Variants in LUZP2 observed in about 807,000 individuals in gnomAD.
LUZP2 encodes the protein leucine zipper protein 2.
LUZP2 carries 52 observed loss-of-function variants against 51.6 expected under a neutral mutation model. The ratio of observed to expected loss-of-function variants is 1.01; its 90% confidence interval spans 0.81 to 1.27. The LOEUF is 1.27. LUZP2 is among the 50% of genes most tolerant of loss of function. The probability of loss-of-function intolerance (pLI) is 0.00; values close to 1 mark genes in which losing one functional copy is unlikely to be tolerated. For missense variants in LUZP2, 436 were observed against 395.4 expected, an observed-to-expected ratio of 1.10 and a Z score of -0.87; for synonymous variants, 154 against 137.3, an observed-to-expected ratio of 1.12 and a Z score of -0.85.
At chr11:24,534,962 G>A (rs1233706597) in intron 1 of LUZP2, among the ~76,000 whole-genome samples, 4 of 151,248 alleles carry the variant, frequency 2.6e-5, no homozygotes, top group Non-Finnish European at 5.9e-5. Context: ...GAGATATTGT[G>A]GGTTGGGCTC....
intron 1 of LUZP2, among the ~76,000 whole-genome samples, chr11:24,658,250 C>G (rs1213567029): frequency 1.2e-4 from 19 of 152,064 alleles, no homozygotes; most frequent in African/African-American, 3.4e-4. Flanking sequence ...GAACAGAACA[C>G]AGCCCTCAGA....
chr11:24,507,841 T>G (rs953870759), intron 1 of LUZP2, among the ~76,000 whole-genome samples: 2 of 152,038 alleles, frequency 1.3e-5, no homozygotes, highest in African/African-American at 4.8e-5. Context: ...TGGTTTTGCA[T>G]GATGTTAAAC....
chr11:24,887,771 G>T (rs1358647497), intron 5 of LUZP2, among the ~76,000 whole-genome samples: 1 of 152,164 alleles, frequency 6.6e-6, no homozygotes, highest in African/African-American at 2.4e-5. Flanking sequence ...ATATTTAAAA[G>T]GGCAAATGTA....
At chr11:24,730,267 T>C (rs1444981391) in intron 2 of LUZP2, among the ~76,000 whole-genome samples, 3 of 151,726 alleles carry the variant, frequency 2.0e-5, no homozygotes, top group African/African-American at 7.3e-5. Context: ...TCACATTTCA[T>C]AGGTGAGAAA....
At chr11:24,908,340 G>T (rs1356145314) in intron 6 of LUZP2, among the ~76,000 whole-genome samples, 1 of 151,954 alleles carries the variant, frequency 6.6e-6, no homozygotes, top group Non-Finnish European at 1.5e-5. Flanking sequence ...ATTATAAGAA[G>T]CAAAAATCTC....
chr11:24,560,524 A>G (rs1021902719), intron 1 of LUZP2, among the ~76,000 whole-genome samples: 2 of 152,142 alleles, frequency 1.3e-5, no homozygotes, highest in Non-Finnish European at 2.9e-5. Flanking sequence ...CCTGAGAGAC[A>G]AGAAAAACAG....
intron 1 of LUZP2, among the ~76,000 whole-genome samples, chr11:24,516,824 G>A (rs1335705683): frequency 6.6e-6 from 1 of 152,098 alleles, no homozygotes; most frequent in African/African-American, 2.4e-5. Flanking sequence ...AGCTGCCTAG[G>A]TAACAGCTGC....
chr11:24,576,243 T>A (rs781730376), intron 1 of LUZP2, among the ~76,000 whole-genome samples: 13 of 148,186 alleles, frequency 8.8e-5, no homozygotes, highest in Non-Finnish European at 1.6e-4. Context: ...AAAACCCATC[T>A]CTACTAAAGA....
At chr11:24,963,236 A>C (rs1855472024) in intron 7 of LUZP2, among the ~76,000 whole-genome samples, 1 of 152,216 alleles carries the variant, frequency 6.6e-6, no homozygotes, top group African/African-American at 2.4e-5. Flanking sequence ...TTGAGGAGGC[A>C]GTCTGCCGGT....
chr11:24,948,718 T>C (rs1359394827), intron 7 of LUZP2, among the ~76,000 whole-genome samples: 1 of 151,698 alleles, frequency 6.6e-6, no homozygotes, highest in African/African-American at 2.4e-5. Flanking sequence ...CTTCTCTGAA[T>C]GAAAAACAGG....
intron 1 of LUZP2, among the ~76,000 whole-genome samples, chr11:24,720,107 T>A (rs760642078): frequency 9.2e-5 from 14 of 152,186 alleles, no homozygotes; most frequent in Admixed American, 5.2e-4. Flanking sequence ...AATATTTGAG[T>A]ATTTACGTAT....
intron 1 of LUZP2, among the ~76,000 whole-genome samples, chr11:24,666,931 T>C (rs1480451666): frequency 1.3e-5 from 2 of 152,158 alleles, no homozygotes; most frequent in Non-Finnish European, 2.9e-5. Context: ...TGTTTTTATT[T>C]TTCTCGTCTC....
chr11:24,836,477 G>T (rs1033078749), intron 5 of LUZP2, among the ~76,000 whole-genome samples: 1 of 151,780 alleles, frequency 6.6e-6, no homozygotes, highest in Non-Finnish European at 1.5e-5. Flanking sequence ...TATCAATTCA[G>T]CATATGAATA....
chr11:24,930,082 T>A (rs930491449), intron 7 of LUZP2, among the ~76,000 whole-genome samples: 1 of 152,196 alleles, frequency 6.6e-6, no homozygotes, highest in African/African-American at 2.4e-5. Flanking sequence ...TTGCATGAAA[T>A]GTCTTATTCC....
chr11:24,960,836 G>A (rs1002623412), intron 7 of LUZP2, among the ~76,000 whole-genome samples: 3 of 152,078 alleles, frequency 2.0e-5, no homozygotes, highest in Non-Finnish European at 4.4e-5. Flanking sequence ...TAATTGTGAT[G>A]TTAGGGTGTC....
chr11:25,051,585 A>G (rs1376618137), intron 10 of LUZP2, among the ~76,000 whole-genome samples: 7 of 152,158 alleles, frequency 4.6e-5, no homozygotes, highest in Non-Finnish European at 8.8e-5. Context: ...ATGGCTAAAA[A>G]ACAGTACACA....
chr11:24,729,037 G>C (rs1248477968), intron 1 of LUZP2, 132 bp from the exon 2 acceptor site: 1 of 481,250 alleles, frequency 2.1e-6, no homozygotes, highest in Non-Finnish European at 3.7e-6. Context: ...ATGAAATCAT[G>C]ACAACAAAAC....
At chr11:24,771,598 C>T (rs1001279458) in intron 5 of LUZP2, among the ~76,000 whole-genome samples, 2 of 151,394 alleles carry the variant, frequency 1.3e-5, no homozygotes, top group Admixed American at 6.6e-5. Context: ...TAATGAATTA[C>T]ATGAATTAAG....
chr11:24,957,620 T>G (rs898832911), intron 7 of LUZP2, among the ~76,000 whole-genome samples: 1 of 152,158 alleles, frequency 6.6e-6, no homozygotes, highest in African/African-American at 2.4e-5. Context: ...CTCAGCTTAT[T>G]TCACTTAGCA....
Sources: allele counts gnomAD v4.1 joint callset (sites outside exome capture counted in the v4.1 genomes callset), GRCh38; gene constraint gnomAD v4.1.1; transcripts MANE v1.5; gene names NCBI Gene and HGNC (gene_info 2026-07-23, HGNC 2026-07-21).